Variants in ROBO2 observed in about 807,000 individuals in gnomAD.
The protein encoded by ROBO2 is roundabout homolog 2.
A neutral mutation model predicts 160.8 loss-of-function variants in ROBO2; 53 were observed. That is an observed-to-expected ratio of 0.33 (90% CI 0.26 to 0.41). ROBO2 has a LOEUF of 0.41. Ranked by LOEUF, ROBO2 falls within the 10% of genes least tolerant of loss-of-function variation. The pLI is 1.00. For synonymous variants in ROBO2, 664 were observed against 611.7 expected (o/e 1.09, Z -1.26); for missense variants, 1,577 against 1,722.4 (o/e 0.92, Z 1.49).
Position 76,134,894 on chromosome 3 carries a change from G to A in ROBO2, c.109+197292G>A, listed in dbSNP as rs553074663. The stretch of plus-strand genomic sequence containing the variant: ...AAAAAAAATAAGTAGGGTAGACTAA[G>A]CCACGGTAACAAATTGACCCAAGCA... On this transcript the variant is annotated intron_variant, in intron 2 of 26. Transcript: ENST00000487694. Among the ~76,000 whole-genome samples, 3 of 152,182 alleles carry A rather than the reference G, an allele frequency of 2.0e-5. No individual in the cohort carries two copies. The South Asian group carries it at 6.2e-4, about 32-fold the overall frequency.
intron 2 of ROBO2, among the ~76,000 whole-genome samples, chr3:77,330,050 A>G (rs1301480694): frequency 6.6e-6 from 1 of 152,084 alleles, no homozygotes; most frequent in Non-Finnish European, 1.5e-5. Flanking sequence ...TTCTTTTTTA[A>G]TATAAATTAA....
At chr3:77,477,283 G>C in intron 2 of ROBO2, 131 bp from the exon 3 acceptor site, 1 of 874,648 alleles carries the variant, frequency 1.1e-6, no homozygotes, top group Admixed American at 1.7e-5. Flanking sequence ...GGTGGATGTA[G>C]CTATGTTCTC....
chr3:77,182,718 T>G (rs191582872), intron 2 of ROBO2, among the ~76,000 whole-genome samples: 1 of 152,086 alleles, frequency 6.6e-6, no homozygotes, highest in East Asian at 1.9e-4. Context: ...CTGCAATGAG[T>G]TGGTGCTCTC....
intron 2 of ROBO2, among the ~76,000 whole-genome samples, chr3:75,956,832 G>A (rs928604614): frequency 2.0e-5 from 3 of 151,678 alleles, no homozygotes; most frequent in South Asian, 2.1e-4. Context: ...TTTGCCATTC[G>A]CATTGGCCCA....
rs539031874 is a variant in ROBO2, at chr3:76,629,986, C to G, written c.110-468028C>G. On this transcript the variant is annotated intron_variant, in intron 2 of 26. Transcript: ENST00000487694. ...CCTCACCTTTCTCCATCTCTTTTGA[C>G]ATAGAATCAGGTGGCACCCGTTCCC... is the stretch of plus-strand genomic sequence containing the variant. Among the ~76,000 whole-genome samples the G allele has an allele frequency of 3.3e-5, 5 of 152,296 alleles. No homozygotes were observed. In the South Asian group the frequency reaches 8.3e-4, roughly 25 times the overall value.
intron 2 of ROBO2, among the ~76,000 whole-genome samples, chr3:76,098,445 G>A (rs1191072714): frequency 6.6e-6 from 1 of 151,962 alleles, no homozygotes; most frequent in African/African-American, 2.4e-5. Flanking sequence ...AGTTTTAAGT[G>A]CAAGTGTGTA....
chr3:76,668,385 G>C (rs572338675), intron 2 of ROBO2, among the ~76,000 whole-genome samples: 17 of 152,238 alleles, frequency 1.1e-4, no homozygotes, highest in African/African-American at 3.8e-4. Flanking sequence ...TGGAATTACA[G>C]GCTGCACCCG....
intron 2 of ROBO2, among the ~76,000 whole-genome samples, chr3:76,992,482 C>T (rs547161204): frequency 1.3e-5 from 2 of 151,436 alleles, no homozygotes; most frequent in South Asian, 2.1e-4. Context: ...AGACTTAATG[C>T]CACCCTGGTA....
At chr3:76,908,978 C>G (rs948598493) in intron 2 of ROBO2, among the ~76,000 whole-genome samples, 3 of 152,086 alleles carry the variant, frequency 2.0e-5, no homozygotes, top group Non-Finnish European at 2.9e-5. Context: ...CTGTAATTCC[C>G]GCACTTTGGG....
intron 2 of ROBO2, among the ~76,000 whole-genome samples, chr3:76,947,915 G>A (rs971551491): frequency 6.6e-6 from 1 of 151,984 alleles, no homozygotes; most frequent in African/African-American, 2.4e-5. Context: ...ATTCAATATT[G>A]GCTTTTATTT....
At chr3:76,530,969 C>G (rs998642901) in intron 2 of ROBO2, among the ~76,000 whole-genome samples, 1 of 152,152 alleles carries the variant, frequency 6.6e-6, no homozygotes, top group African/African-American at 2.4e-5. Context: ...GTATGTGCTA[C>G]TCCTTCTTCA....
intron 2 of ROBO2, among the ~76,000 whole-genome samples, chr3:77,177,822 C>A (rs1374130501): frequency 6.6e-6 from 1 of 151,996 alleles, no homozygotes; most frequent in Non-Finnish European, 1.5e-5. Context: ...CTCTTTCCCC[C>A]TTCATGTTTT....
intron 2 of ROBO2, among the ~76,000 whole-genome samples, chr3:76,903,064 G>A (rs55722712): frequency 0.056 from 8,465 of 151,792 alleles, 280 homozygotes; most frequent in East Asian, 0.12. Flanking sequence ...AATTTTATGT[G>A]ATTTTCTTAA....
intron 2 of ROBO2, among the ~76,000 whole-genome samples, chr3:75,977,051 C>G (rs999847376): frequency 6.6e-6 from 1 of 151,582 alleles, no homozygotes; most frequent in African/African-American, 2.4e-5. Flanking sequence ...TTGAATCACT[C>G]TTTCATATAA....
At chr3:76,929,638 C>T (rs542588170) in intron 2 of ROBO2, among the ~76,000 whole-genome samples, 245 of 151,608 alleles carry the variant, frequency 1.6e-3, no homozygotes, top group Non-Finnish European at 2.4e-3. Flanking sequence ...GAAGCACTGA[C>T]CAAAAGACTC....
At chr3:77,043,841 TTAAC>T (rs765869086) in intron 1 of ROBO2, among the ~76,000 whole-genome samples, 4 of 152,158 alleles carry the variant, frequency 2.6e-5, no homozygotes, top group Non-Finnish European at 4.4e-5. Context: ...TCTTTACCCT[TTAAC>T]TATTCTTAAA....
intron 2 of ROBO2, among the ~76,000 whole-genome samples, chr3:77,218,580 G>A (rs938716218): frequency 2.0e-5 from 3 of 152,042 alleles, no homozygotes; most frequent in Non-Finnish European, 2.9e-5. Context: ...TACCATCTTG[G>A]CCAGGCTGGT....
chr3:77,327,812 G>A (rs1384824002), intron 2 of ROBO2, among the ~76,000 whole-genome samples: 1 of 152,070 alleles, frequency 6.6e-6, no homozygotes, highest in Admixed American at 6.6e-5. Context: ...CACTTTGGGA[G>A]GCCGAGGTGG....
chr3:77,178,631 C>G (rs984573171), intron 2 of ROBO2, among the ~76,000 whole-genome samples: 1 of 151,944 alleles, frequency 6.6e-6, no homozygotes, highest in East Asian at 1.9e-4. Context: ...GAATAAGTGT[C>G]ATTTTTTGAA....
Sources: gnomAD v4.1 joint callset for allele counts (sites outside exome capture counted in the v4.1 genomes callset) on GRCh38, gnomAD v4.1.1 for gene constraint, MANE v1.5 for transcripts, NCBI Gene and HGNC (gene_info 2026-07-23, HGNC 2026-07-21) for gene names.